Variants in CEMP1 observed in about 807,000 individuals in gnomAD.
CEMP1 encodes the protein cementoblastoma-derived protein 1.
For synonymous variants in CEMP1, 161 were observed against 128.6 expected, an observed-to-expected ratio of 1.25 and a Z score of -1.71; for missense variants, 387 against 316.9, an observed-to-expected ratio of 1.22 and a Z score of -1.68.
At position 2,530,495 on chromosome 16, in the gene CEMP1, T is replaced by C. The variant is rs752734406; in HGVS notation, c.579A>G (p.Gln193=). ...KTITPDVGLH[Q]SLTSDPTVAV... is the part of the protein sequence containing the mutation. The stretch of plus-strand genomic sequence containing the variant: ...CCACAGTGGGGTCAGACGTCAGGGA[T>C]TGGTGCAGCCCCACGTCAGGGGTGA... The change falls in exon 1 of 1, where the codon CAA becomes CAG. Residue 193 remains glutamine (Q), a synonymous_variant. Coordinates refer to ENST00000567119, the MANE Select transcript of CEMP1 (RefSeq NM_001048212.3). 1.3e-5 allele frequency: 21 copies of C among 1,614,072 alleles called. No homozygotes were observed. In the African/African-American group the frequency reaches 1.6e-4, roughly 12 times the overall value.
chr16:2,530,607 A>C lies in CEMP1; in HGVS notation c.467T>G (p.Val156Gly), dbSNP rs893445902. ...REENSGRARR[V>G]PPVPRTAPVS... ...AGGTGCTGTCCTGGGCACAGGAGGTACGCGCCTGGCTCTGCCACTGTTCTC... is the reference window on the plus strand; with the variant it reads ...AGGTGCTGTCCTGGGCACAGGAGGTCCGCGCCTGGCTCTGCCACTGTTCTC... The change falls in exon 1 of 1, where the codon GTA becomes GGA. Residue 156 changes from valine (V) to glycine (G), a missense_variant. By Grantham distance (109) the Val-to-Gly change is moderately radical. Transcript: ENST00000567119. The C allele has an allele frequency of 6.2e-7, 1 of 1,614,178 alleles. No homozygotes were observed. Among genetic ancestry groups the C allele is most frequent in the Admixed American group, 1.7e-5 (1 of 60,036 alleles).
rs145505172 is a variant in CEMP1, at chr16:2,530,881, C to T, written c.193G>A (p.Gly65Ser). The T allele has an allele frequency of 6.2e-7, 1 of 1,613,586 alleles. No homozygotes were observed. Among genetic ancestry groups the T allele is most frequent in the Non-Finnish European group, 8.5e-7 (1 of 1,179,990 alleles). Residue 65 changes from glycine (G) to serine (S), a missense_variant, in exon 1 of 1, where the codon GGT (glycine) becomes AGT (serine). Coordinates refer to ENST00000567119, the MANE Select transcript of CEMP1 (RefSeq NM_001048212.3). Reference sequence around the variant, plus strand: ...TGAGAGGTGTGAGGTGCAGGGATACCCACCTCTGCCTTGACGGCCGCGCAC... The same window carrying T: ...TGAGAGGTGTGAGGTGCAGGGATACTCACCTCTGCCTTGACGGCCGCGCAC... ...KGCAAVKAEV[G>S]IPAPHTSQEV...
rs759227672 is a variant in CEMP1, at chr16:2,530,624, A to G, written c.450T>C (p.Ser150=). Residue 150 remains serine (S), a synonymous_variant, in exon 1 of 1, where the codon AGT becomes AGC. Transcript: ENST00000567119. ...NWALQQREEN[S]GRARRVPPVP... ...CAGGAGGTACGCGCCTGGCTCTGCC[A>G]CTGTTCTCTTCCCTCTGCTGCAAAG... 4.3e-6 allele frequency: 7 copies of G among 1,614,140 alleles called. No homozygotes were observed. The highest frequency in any genetic ancestry group is 3.3e-5 in the Admixed American group (2 of 60,030).
chr16:2,530,443 C>G lies in CEMP1; in HGVS notation c.631G>C (p.Glu211Gln), dbSNP rs927628468. 3.1e-6 allele frequency: 5 copies of G among 1,613,928 alleles called. No homozygotes were observed. Among genetic ancestry groups the G allele is most frequent in the Non-Finnish European group, 3.4e-6 (4 of 1,179,990 alleles). Residue 211 changes from glutamate to glutamine, a missense_variant, in exon 1 of 1, where the codon GAA (glutamate) becomes CAA (glutamine). Physicochemically the swap from Glu to Gln is conservative, Grantham distance 29 (BLOSUM62 2). Coordinates refer to ENST00000567119, the MANE Select transcript of CEMP1 (RefSeq NM_001048212.3). ...VAVLRAKRAP[E>Q]AHPPRSCSGS... ...GAACAGCTTCGAGGCGGGTGGGCTT[C>G]TGGAGCCCTCTTGGCTCTGAGGACA...
At position 2,531,014 on chromosome 16, in the gene CEMP1, G is replaced by C. The variant is rs1274698710; in HGVS notation, c.60C>G (p.Asn20Lys). ...GGCAGGTGAGGTTCTCAGCCGATGT[G>C]TTAGAGGTTGAGCATCGCCTGTGCC... ...QAGHRRCSTS[N>K]TSAENLTCLS... The change falls in exon 1 of 1, where the codon AAC (asparagine) becomes AAG (lysine). Residue 20 changes from asparagine to lysine, a missense_variant. Transcript: ENST00000567119. 1 of 1,607,320 alleles carries C rather than the reference G, an allele frequency of 6.2e-7. No homozygotes were observed. Among genetic ancestry groups the C allele is most frequent in the East Asian group, 2.2e-5 (1 of 44,692 alleles).
In CEMP1 at chr16:2,530,308, G is replaced by A. The variant is rs748992135; in HGVS notation, c.*22C>T. On this transcript the variant is annotated 3_prime_UTR_variant, in exon 1 of 1. Coordinates refer to ENST00000567119, the MANE Select transcript of CEMP1 (RefSeq NM_001048212.3). Reference sequence around the variant, plus strand: ...CCTGCCTGGTGCTGGAGGGCAGTATGGGAGGCACCAGTGTGCCCTGCTCAC... The same window carrying A: ...CCTGCCTGGTGCTGGAGGGCAGTATAGGAGGCACCAGTGTGCCCTGCTCAC... The A allele has an allele frequency of 2.5e-6, 4 of 1,614,026 alleles. No individual in the cohort carries two copies. The highest frequency in any genetic ancestry group is 2.7e-5 in the African/African-American group (2 of 75,064).
Position 2,531,193 on chromosome 16 carries a change from C to A in CEMP1, c.-120G>T. On this transcript the variant is annotated 5_prime_UTR_variant, in exon 1 of 1. Coordinates refer to ENST00000567119, the MANE Select transcript of CEMP1 (RefSeq NM_001048212.3). ...CTGGCCTGCCCCATTCACCGGCCAG[C>A]GCCCCACCTCCCTGGCTGGAGGGTC... 1 of 1,301,448 alleles carries A rather than the reference C, an allele frequency of 7.7e-7. No individual in the cohort carries two copies. The allele number at this position is 1,301,448 out of a possible 1,614,324, so 80.6% of individuals were successfully genotyped here.
chr16:2,530,914 G>C lies in CEMP1; in HGVS notation c.160C>G (p.Pro54Ala). The C allele has an allele frequency of 6.2e-7, 1 of 1,613,484 alleles. No individual in the cohort carries two copies. Among genetic ancestry groups the C allele is most frequent in the East Asian group, 2.2e-5 (1 of 44,882 alleles). The change falls in exon 1 of 1, where the codon CCT becomes GCT. Residue 54 changes from proline (P) to alanine (A), a missense_variant. Pro to Ala is a conservative substitution (Grantham distance 27). Coordinates refer to ENST00000567119, the MANE Select transcript of CEMP1 (RefSeq NM_001048212.3). ...GCCTTGACGGCCGCGCACCCCTTAGGAAGTGGCTGTCCAGCGCCTGCCTGT... is the reference window on the plus strand; with the variant it reads ...GCCTTGACGGCCGCGCACCCCTTAGCAAGTGGCTGTCCAGCGCCTGCCTGT... ...PAQAGAGQPL[P>A]KGCAAVKAEV... is the part of the protein sequence containing the mutation.
rs1425485278 is a variant in CEMP1, at chr16:2,531,062, T to C, written c.12A>G (p.Ser4=). The change falls in exon 1 of 1, where the codon TCA becomes TCG. Residue 4 remains serine, a synonymous_variant. Coordinates refer to ENST00000567119, the MANE Select transcript of CEMP1 (RefSeq NM_001048212.3). Reference sequence around the variant, plus strand: ...GCCCAGCTTGCTGGCTGTCAGTGCTTGATGTGCCCATCCTCAGCTAAAACC... The same window carrying C: ...GCCCAGCTTGCTGGCTGTCAGTGCTCGATGTGCCCATCCTCAGCTAAAACC... MGT[S]STDSQQAGHR... The C allele has an allele frequency of 6.3e-7, 1 of 1,592,136 alleles. No individual in the cohort carries two copies. Among genetic ancestry groups the C allele is most frequent in the East Asian group, 2.2e-5 (1 of 44,484 alleles).
In CEMP1 at chr16:2,530,973, C is replaced by A. The variant is rs1379188124; in HGVS notation, c.101G>T (p.Ser34Ile). 6.2e-7 allele frequency: 1 copy of A among 1,613,380 alleles called. No individual in the cohort carries two copies. Among genetic ancestry groups the A allele is most frequent in the Non-Finnish European group, 8.5e-7 (1 of 1,179,928 alleles). ...ENLTCLSLPG[S>I]PGKTAPLPGP... ...TGGGAGAGGAGCTGTCTTGCCAGGG[C>A]TCCCAGGCAGGGAGAGGCAGGTGAG... is the stretch of plus-strand genomic sequence containing the variant. Residue 34 changes from serine (S) to isoleucine (I), a missense_variant, in exon 1 of 1, where the codon AGC (serine) becomes ATC (isoleucine). By Grantham distance (142) the Ser-to-Ile change is moderately radical. Coordinates refer to ENST00000567119, the MANE Select transcript of CEMP1 (RefSeq NM_001048212.3).
At position 2,530,850 on chromosome 16, in the gene CEMP1, ACCT is replaced by A. The variant is rs772574715; in HGVS notation, c.221_223del (p.Glu74del). The A allele has an allele frequency of 1.5e-5, 24 of 1,613,380 alleles. No individual in the cohort carries two copies. Among genetic ancestry groups the A allele is most frequent in the African/African-American group, 1.3e-4 (10 of 74,822 alleles). On this transcript the variant is annotated inframe_deletion, in exon 1 of 1. Transcript: ENST00000567119. ...AAGCAGGCGACGGATGTGGATCCTGACCTCCTGAGAGGTGTGAGGTGCAGGGAT... is the reference window on the plus strand; with the variant it reads ...AAGCAGGCGACGGATGTGGATCCTGACCTGAGAGGTGTGAGGTGCAGGGAT...
At chr16:2,530,360 TG>T (rs746374971) in intron 1 of CEMP1, 2 of 1,614,064 alleles carry the variant, frequency 1.2e-6, no homozygotes, top group African/African-American at 2.7e-5. Context: ...TGCCATCTTC[TG>T]TGTCCCCTTG....
chr16:2,530,887 C>G lies in CEMP1; in HGVS notation c.187G>C (p.Glu63Gln). The G allele has an allele frequency of 1.2e-6, 2 of 1,613,634 alleles. No individual in the cohort carries two copies. The highest frequency in any genetic ancestry group is 8.5e-7 in the Non-Finnish European group (1 of 1,179,994). ...LPKGCAAVKA[E>Q]VGIPAPHTSQ... ...GTGTGAGGTGCAGGGATACCCACCT[C>G]TGCCTTGACGGCCGCGCACCCCTTA... The change falls in exon 1 of 1, where the codon GAG (glutamate) becomes CAG (glutamine). Residue 63 changes from glutamate (E) to glutamine (Q), a missense_variant. Glu to Gln is a conservative substitution (Grantham distance 29). Coordinates refer to ENST00000567119, the MANE Select transcript of CEMP1 (RefSeq NM_001048212.3).
rs778148949 is a variant in CEMP1, at chr16:2,531,186, C to G, written c.-113G>C. 3.7e-6 allele frequency: 5 copies of G among 1,353,650 alleles called. No individual in the cohort carries two copies. In the Admixed American group the frequency reaches 7.7e-5, roughly 21 times the overall value. The allele number at this position is 1,353,650 out of a possible 1,614,324, so 83.9% of individuals were successfully genotyped here. On this transcript the variant is annotated 5_prime_UTR_variant, in exon 1 of 1. Transcript: ENST00000567119. ...TTTGGGCCTGGCCTGCCCCATTCACCGGCCAGCGCCCCACCTCCCTGGCTG... is the reference window on the plus strand; with the variant it reads ...TTTGGGCCTGGCCTGCCCCATTCACGGGCCAGCGCCCCACCTCCCTGGCTG...
chr16:2,531,086 C>G lies in CEMP1; in HGVS notation c.-13G>C. On this transcript the variant is annotated 5_prime_UTR_variant, in exon 1 of 1. Coordinates refer to ENST00000567119, the MANE Select transcript of CEMP1 (RefSeq NM_001048212.3). The stretch of plus-strand genomic sequence containing the variant: ...TTGATGTGCCCATCCTCAGCTAAAA[C>G]CCAGAGCTGGCATGTTGGTCATCCC... 1 of 1,574,626 alleles carries G rather than the reference C, an allele frequency of 6.4e-7. No individual in the cohort carries two copies. Among genetic ancestry groups the G allele is most frequent in the Non-Finnish European group, 8.6e-7 (1 of 1,156,246 alleles).
In CEMP1 at chr16:2,530,852, C is replaced by T. The variant is rs779577686; in HGVS notation, c.222G>A (p.Glu74=). Residue 74 remains glutamate (E), a synonymous_variant, in exon 1 of 1, where the codon GAG becomes GAA. Transcript: ENST00000567119. ...GCAGGCGACGGATGTGGATCCTGAC[C>T]TCCTGAGAGGTGTGAGGTGCAGGGA... ...VGIPAPHTSQ[E]VRIHIRRLLS... is the part of the protein sequence containing the mutation. 20 of 1,613,534 alleles carry T rather than the reference C, an allele frequency of 1.2e-5. No individual in the cohort carries two copies. The Admixed American group carries it at 3.0e-4, about 24-fold the overall frequency.
rs757728422 is a variant in CEMP1, at chr16:2,530,851, C to T, written c.223G>A (p.Val75Ile). The T allele has an allele frequency of 2.5e-6, 4 of 1,613,654 alleles. No individual in the cohort carries two copies. Among genetic ancestry groups the T allele is most frequent in the Non-Finnish European group, 3.4e-6 (4 of 1,179,972 alleles). The change falls in exon 1 of 1, where the codon GTC becomes ATC. Residue 75 changes from valine (V) to isoleucine (I), a missense_variant. Physicochemically the swap from Val to Ile is conservative, Grantham distance 29. Transcript: ENST00000567119. ...AGCAGGCGACGGATGTGGATCCTGA[C>T]CTCCTGAGAGGTGTGAGGTGCAGGG... ...GIPAPHTSQE[V>I]RIHIRRLLSW...
Position 2,530,264 on chromosome 16 carries a change from G to A in CEMP1, c.*66C>T, listed in dbSNP as rs745772262. 1 of 1,611,266 alleles carries A rather than the reference G, an allele frequency of 6.2e-7. No homozygotes were observed. The highest frequency in any genetic ancestry group is 1.1e-5 in the South Asian group (1 of 90,828). On this transcript the variant is annotated 3_prime_UTR_variant, in exon 1 of 1. Coordinates refer to ENST00000567119, the MANE Select transcript of CEMP1 (RefSeq NM_001048212.3). ...CTCTTCACACATCCCCAGGCCCAGT[G>A]CTTGCCGGCTGTGGTGACCCTGCCT...
rs775953826 is a variant in CEMP1 at position 2,530,538 on chromosome 16, C to G, written c.536G>C (p.Gly179Ala). The G allele has an allele frequency of 4.3e-6, 7 of 1,614,188 alleles. No homozygotes were observed. In the East Asian group the frequency reaches 1.3e-4, roughly 31 times the overall value. ...EGSHPPQNSN[G>A]EKVKTITPDV... ...AGGGGTGATTGTCTTGACTTTCTCT[C>G]CATTTGAGTTCTGGGGTGGGTGGCT... Residue 179 changes from glycine (G) to alanine (A), a missense_variant, in exon 1 of 1, where the codon GGA becomes GCA. By Grantham distance (60) the Gly-to-Ala change is moderately conservative. Transcript: ENST00000567119.
Sources: gnomAD v4.1 joint callset for allele counts on GRCh38, gnomAD v4.1.1 for gene constraint, MANE v1.5 for transcripts, NCBI Gene and HGNC (gene_info 2026-07-23, HGNC 2026-07-21) for gene names.